The following CCDC191 variants were observed in gnomAD, a reference collection of about 807,000 sequenced individuals.
CCDC191 encodes the protein coiled-coil domain containing 191, also known as coiled-coil domain-containing protein 191.
Under a neutral mutation model 114.0 loss-of-function variants are expected in CCDC191, and 99 were observed. The ratio of observed to expected loss-of-function variants is 0.87; its 90% CI spans 0.74 to 1.03. The LOEUF is 1.03. CCDC191 is among the 50% of genes least tolerant of loss of function. The pLI is 0.00. For synonymous variants in CCDC191, 351 were observed against 376.0 expected (o/e 0.93, Z 0.77); for missense variants, 973 against 1,087.0 (o/e 0.90, Z 1.47).
At chr3:114,056,532 C>T (rs115516714), upstream of CCDC191, 1,486 of 1,611,450 alleles carry the variant, frequency 9.2e-4, 14 homozygotes, top group African/African-American at 0.017. Flanking sequence ...GGGCTGCCTC[C>T]GGGTCACGCT....
Position 114,004,700 on chromosome 3 carries a change from T to A in CCDC191, c.1915A>T (p.Asn639Tyr). The A allele has an allele frequency of 6.2e-7, 1 of 1,611,898 alleles. No homozygotes were observed. Among genetic ancestry groups the A allele is most frequent in the Non-Finnish European group, 8.5e-7 (1 of 1,179,166 alleles). Residue 639 changes from asparagine to tyrosine, a missense_variant, in exon 11 of 17, where the codon AAT (asparagine) becomes TAT (tyrosine). Asn to Tyr is a moderately radical substitution (Grantham distance 143). Coordinates refer to ENST00000295878, the MANE Select transcript of CCDC191 (RefSeq NM_020817.2). ...TTCCTTCTGAGTCCAGAAAGAGAAT[T>A]TCGGGAGTCACTTCTGCCTTCAGTC... The part of the protein sequence containing the change: ...PGTEGRSDSR[N>Y]SLSGLRRKPK...
Position 114,046,088 on chromosome 3 carries a change from C to T in CCDC191, c.271+503G>A, listed in dbSNP as rs574616527. On this transcript the variant is annotated intron_variant, in intron 3 of 16. Transcript: ENST00000295878. ...TTGACTTTCCATCTACCACAGTGGC[C>T]TCCCTTTCTCAGTCTCCTTTGTTGG... is the stretch of plus-strand genomic sequence containing the variant. 5.3e-5 allele frequency among the ~76,000 whole-genome samples: 8 copies of T among 152,332 alleles called. No individual in the cohort carries two copies. The South Asian group carries it at 1.7e-3, about 32-fold the overall frequency.
intron 16 of CCDC191, among the ~76,000 whole-genome samples, chr3:113,970,790 T>TC (rs911578354): frequency 5.9e-5 from 9 of 152,130 alleles, no homozygotes; most frequent in African/African-American, 2.2e-4. Context: ...ATTGTCCAAT[T>TC]CCCACCTATG....
chr3:114,029,193 G>GA (rs2076368873), intron 7 of CCDC191, among the ~76,000 whole-genome samples: 1 of 152,050 alleles, frequency 6.6e-6, no homozygotes, highest in South Asian at 2.1e-4. Flanking sequence ...CAACAAAAAA[G>GA]AAAGTGTCCA....
chr3:114,050,713 T>C (rs898174378), intron 2 of CCDC191, among the ~76,000 whole-genome samples: 4 of 152,160 alleles, frequency 2.6e-5, no homozygotes, highest in African/African-American at 7.2e-5. Context: ...TACAGATAAA[T>C]TGATATTATA....
chr3:114,005,722 A>C lies in CCDC191; in HGVS notation c.1654T>G (p.Phe552Val). Reference protein sequence around the residue: ...QKAEPLCLGHFHNRHVFQQQL... With the variant: ...QKAEPLCLGHVHNRHVFQQQL... Reference sequence around the variant, plus strand: ...TGCTGGAAGACATGGCGGTTGTGGAAATGACCCAAGCAAAGCGGTTCTGCT... The same window carrying C: ...TGCTGGAAGACATGGCGGTTGTGGACATGACCCAAGCAAAGCGGTTCTGCT... The change falls in exon 10 of 17, where the codon TTC becomes GTC. Residue 552 changes from phenylalanine to valine, a missense_variant. Transcript: ENST00000295878. 2 of 1,614,080 alleles carry C rather than the reference A, an allele frequency of 1.2e-6. No individual in the cohort carries two copies. Among genetic ancestry groups the C allele is most frequent in the Non-Finnish European group, 1.7e-6 (2 of 1,179,996 alleles).
intron 10 of CCDC191, 149 bp from the exon 11 acceptor site, chr3:114,004,895 G>T: frequency 1.2e-6 from 1 of 820,964 alleles, no homozygotes; most frequent in Non-Finnish European, 1.8e-6. Flanking sequence ...ATAAATATGT[G>T]TAATGAGGTA....
intron 2 of CCDC191, 161 bp from the exon 3 acceptor site, chr3:114,046,893 A>C (rs1312617456): frequency 1.0e-6 from 1 of 982,570 alleles, no homozygotes; most frequent in Non-Finnish European, 1.2e-6. Flanking sequence ...CTACCCCCAA[A>C]TATTCTGGGA....
rs534298563 is a variant in CCDC191, at chr3:114,043,328, A to C, written c.272-482T>G. Among the ~76,000 whole-genome samples the C allele has an allele frequency of 1.9e-3, 292 of 152,208 alleles. 1 individual carries two copies. Among genetic ancestry groups the C allele is most frequent in the African/African-American group, 6.9e-3 (285 of 41,532 alleles). The stretch of plus-strand genomic sequence containing the variant: ...AGGAGACAGCAGGAGATGAGGTTGG[A>C]GGGGTAATGTGCAGATCAGGTTTAG... On this transcript the variant is annotated intron_variant, in intron 3 of 16. Coordinates refer to ENST00000295878, the MANE Select transcript of CCDC191 (RefSeq NM_020817.2).
intron 13 of CCDC191, among the ~76,000 whole-genome samples, chr3:113,997,264 A>G (rs2075746041): frequency 1.3e-5 from 2 of 152,208 alleles, no homozygotes; most frequent in African/African-American, 4.8e-5. Flanking sequence ...GTGCTGGATT[A>G]GAGCCAGAAA....
At chr3:114,036,064 G>A (rs2076478724) in intron 5 of CCDC191, among the ~76,000 whole-genome samples, 1 of 152,196 alleles carries the variant, frequency 6.6e-6, no homozygotes, top group Admixed American at 6.5e-5. Flanking sequence ...TTTACAAAGT[G>A]TTGAGACACC....
chr3:114,005,473 A>G, intron 10 of CCDC191, 35 bp downstream of exon 10: 2 of 1,554,398 alleles, frequency 1.3e-6, no homozygotes, highest in Non-Finnish European at 1.7e-6. Flanking sequence ...AACCCCTTAA[A>G]ATGAGTCCAG....
chr3:113,993,834 G>A (rs1314216195), intron 13 of CCDC191, among the ~76,000 whole-genome samples: 2 of 151,994 alleles, frequency 1.3e-5, no homozygotes, highest in African/African-American at 2.4e-5. Flanking sequence ...GCAGTGAGCC[G>A]AGATCGTGCC....
chr3:113,971,517 T>C (rs1181569903), intron 16 of CCDC191, among the ~76,000 whole-genome samples: 2 of 152,226 alleles, frequency 1.3e-5, no homozygotes, highest in African/African-American at 4.8e-5. Context: ...CTTGGATCCC[T>C]GGGATAAATC....
chr3:114,041,843 C>T (rs944095871), intron 4 of CCDC191, among the ~76,000 whole-genome samples: 4 of 152,082 alleles, frequency 2.6e-5, no homozygotes, highest in Non-Finnish European at 4.4e-5. Context: ...AATCCTTACA[C>T]GTCAGCCATC....
intron 12 of CCDC191, among the ~76,000 whole-genome samples, chr3:114,002,238 T>C (rs771848271): frequency 2.6e-5 from 4 of 152,220 alleles, no homozygotes; most frequent in African/African-American, 7.2e-5. Context: ...TCAACTTTCA[T>C]AACATTTTCT....
chr3:113,965,899 A>G (rs1940105838), intron 16 of CCDC191, among the ~76,000 whole-genome samples: 1 of 152,066 alleles, frequency 6.6e-6, no homozygotes, highest in South Asian at 2.1e-4. Flanking sequence ...CTGGCCAGTT[A>G]TTTTTATTTT....
chr3:113,971,376 G>A (rs1559867733), intron 16 of CCDC191, among the ~76,000 whole-genome samples: 1 of 152,166 alleles, frequency 6.6e-6, no homozygotes, highest in Non-Finnish European at 1.5e-5. Context: ...TTTGAGAAGT[G>A]TCTGTTCATA....
At chr3:114,024,996 T>C (rs1374431786) in intron 7 of CCDC191, among the ~76,000 whole-genome samples, 1 of 152,168 alleles carries the variant, frequency 6.6e-6, no homozygotes, top group Non-Finnish European at 1.5e-5. Flanking sequence ...GAGGAAATCA[T>C]GGTAACCTCC....
Sources: gnomAD v4.1 joint callset for allele counts (sites outside exome capture counted in the v4.1 genomes callset) on GRCh38, gnomAD v4.1.1 for gene constraint, MANE v1.5 for transcripts, NCBI Gene and HGNC (gene_info 2026-07-23, HGNC 2026-07-21) for gene names.